The following BMP8A variants were observed in gnomAD, a reference collection of about 807,000 sequenced individuals.
The protein encoded by BMP8A is bone morphogenetic protein 8a.
BMP8A carries 14 observed loss-of-function variants against 36.8 expected under a neutral mutation model. The ratio of observed to expected loss-of-function variants is 0.38; its 90% confidence interval spans 0.25 to 0.60. BMP8A has a LOEUF of 0.60. BMP8A is among the 20% of genes least tolerant of loss of function. BMP8A has a pLI of 0.63. For synonymous variants in BMP8A, 120 were observed against 237.7 expected (o/e 0.50, Z 4.55); for missense variants, 267 against 551.1 (o/e 0.48, Z 5.16).
At chr1:39,508,386 C>T (rs942353290) in intron 1 of BMP8A, among the ~76,000 whole-genome samples, 2 of 152,232 alleles carry the variant, frequency 1.3e-5, no homozygotes, top group African/African-American at 4.8e-5. Flanking sequence ...GTTGGAAAAG[C>T]AGCTGTTAAC....
chr1:39,524,410 G>C lies in BMP8A; in HGVS notation c.1060-1239G>C, dbSNP rs1371639000. Among the ~76,000 whole-genome samples, 1 of 152,172 alleles carries C rather than the reference G, an allele frequency of 6.6e-6. No homozygotes were observed. The highest frequency in any genetic ancestry group is 1.5e-5 in the Non-Finnish European group (1 of 68,024). ...CCGTGGAGTTGACACCTCCTGTGAG[G>C]AAGAGCAGAGCAGCCGTGCCGTCAG... On this transcript the variant is annotated intron_variant, in intron 6 of 6. Transcript: ENST00000331593. The surrounding 1 kb of genome is among the most constrained non-coding windows in gnomAD (Gnocchi z 4.0).
intron 1 of BMP8A, among the ~76,000 whole-genome samples, chr1:39,501,109 G>A (rs1645250233): frequency 6.6e-6 from 1 of 152,194 alleles, no homozygotes; most frequent in African/African-American, 2.4e-5. Context: ...GGAAGCAAGA[G>A]AGCAAGCCAG....
Position 39,526,543 on chromosome 1 carries a change from C to T in BMP8A, c.*745C>T, listed in dbSNP as rs1216518855. Among the ~76,000 whole-genome samples the T allele has an allele frequency of 5.9e-5, 9 of 152,104 alleles. No individual in the cohort carries two copies. The highest frequency in any genetic ancestry group is 1.5e-5 in the Non-Finnish European group (1 of 68,024). ...TAGTAGAGACGGGGTTTCACCATAT[C>T]GGCCAGGCTGGTCTTGAACTCCTGA... On this transcript the variant is annotated 3_prime_UTR_variant, in exon 7 of 7. Coordinates refer to ENST00000331593, the MANE Select transcript of BMP8A (RefSeq NM_181809.4).
rs566656660 is a variant in BMP8A at position 39,495,193 on chromosome 1, C to T, written c.334+2868C>T. Among the ~76,000 whole-genome samples, 107 of 152,314 alleles carry T rather than the reference C, an allele frequency of 7.0e-4. 1 individual carries two copies. The highest frequency in any genetic ancestry group is 1.3e-3 in the Non-Finnish European group (89 of 68,012). On this transcript the variant is annotated intron_variant, in intron 1 of 6. Coordinates refer to ENST00000331593, the MANE Select transcript of BMP8A (RefSeq NM_181809.4). ...TGCCAGCTCCACCTCTCCTATCAGC[C>T]TCATCTGAGTCCTGAAAAGCCAGGC...
chr1:39,511,182 G>A lies in BMP8A; in HGVS notation c.343G>A (p.Asp115Asn), dbSNP rs1645351046. 1 of 1,368,792 alleles carries A rather than the reference G, an allele frequency of 7.3e-7. No individual in the cohort carries two copies. Among genetic ancestry groups the A allele is most frequent in the African/African-American group, 1.5e-5 (1 of 67,746 alleles). 84.8% of individuals were successfully genotyped at this position (1,368,792 alleles called of 1,614,324 possible). ...VMSFVNMVER[D>N]RALGHQEPHW... ...GCTGCTTTGTCTTCTAGTGGAGCGA[G>A]ACCGTGCCCTGGGCCACCAGGAGCC... The change falls in exon 2 of 7, where the codon GAC becomes AAC. Residue 115 changes from aspartate (D) to asparagine (N), a missense_variant. Asp to Asn is a conservative substitution (Grantham distance 23, BLOSUM62 1). This residue lies in a region of BMP8A where 37 missense variants were observed against 39.5 expected (regional missense o/e 0.94). Transcript: ENST00000331593.
chr1:39,517,257 A>C (rs1645401209), intron 3 of BMP8A, among the ~76,000 whole-genome samples: 1 of 151,936 alleles, frequency 6.6e-6, no homozygotes, highest in South Asian at 2.1e-4. Flanking sequence ...TCAGCCTCCC[A>C]AAGTGCTGGG....
chr1:39,503,394 A>G (rs756841087), intron 1 of BMP8A, among the ~76,000 whole-genome samples: 4 of 151,928 alleles, frequency 2.6e-5, no homozygotes, highest in Non-Finnish European at 2.9e-5. Flanking sequence ...GCTCATGTCT[A>G]TGATCCCAGC....
In BMP8A at chr1:39,517,130, C is replaced by T. The variant is rs576868199; in HGVS notation, c.674-4246C>T. Among the ~76,000 whole-genome samples the T allele has an allele frequency of 7.9e-5, 12 of 152,084 alleles. No homozygotes were observed. The South Asian group carries it at 1.7e-3, about 21-fold the overall frequency. ...CCTCCTGAGTAGCTGGGACTACAGG[C>T]GCACATCACAATGCCTGCTTATTTT... On this transcript the variant is annotated intron_variant, in intron 3 of 6. Coordinates refer to ENST00000331593, the MANE Select transcript of BMP8A (RefSeq NM_181809.4).
intron 1 of BMP8A, among the ~76,000 whole-genome samples, chr1:39,501,132 C>A (rs1024077361): frequency 2.0e-5 from 3 of 152,164 alleles, no homozygotes; most frequent in African/African-American, 7.2e-5. Flanking sequence ...TTTTTAACAG[C>A]CTCCCCCATC....
intron 1 of BMP8A, among the ~76,000 whole-genome samples, chr1:39,504,482 C>G (rs1356172896): frequency 6.6e-6 from 1 of 152,178 alleles, no homozygotes; most frequent in Non-Finnish European, 1.5e-5. Flanking sequence ...TTATGTTTGA[C>G]TTTACACAAA....
chr1:39,499,193 G>C (rs1645232335), intron 1 of BMP8A, among the ~76,000 whole-genome samples: 1 of 152,198 alleles, frequency 6.6e-6, no homozygotes, highest in African/African-American at 2.4e-5. Flanking sequence ...TGGGGTCTGA[G>C]GACTGGGAGC....
chr1:39,492,316 G>A lies in BMP8A; in HGVS notation c.325G>A (p.Val109Ile), dbSNP rs367928152. ...LGRADLVMSFVNMVERDRALG... is the reference protein window; with the variant it reads ...LGRADLVMSFINMVERDRALG... ...CCGCGCCGACCTGGTCATGAGCTTC[G>A]TCAACATGGGTGAGTGCGGCCGCCC... Residue 109 changes from valine to isoleucine, a missense_variant, in exon 1 of 7, where the codon GTC becomes ATC. Around this residue, in one of 7 missense-constraint regions of BMP8A, gnomAD observed 37 missense variants for 39.5 expected, o/e 0.94. Transcript: ENST00000331593. 18 of 1,559,572 alleles carry A rather than the reference G, an allele frequency of 1.2e-5. No homozygotes were observed. In the African/African-American group the frequency reaches 2.6e-4, roughly 22 times the overall value.
At chr1:39,494,041 A>T (rs1055083733) in intron 1 of BMP8A, among the ~76,000 whole-genome samples, 1 of 152,178 alleles carries the variant, frequency 6.6e-6, no homozygotes, top group African/African-American at 2.4e-5. Flanking sequence ...CTCCTTATAA[A>T]AGGAGGTGCC....
rs200772038 is a variant in BMP8A, at chr1:39,515,583, G to T, written c.673+3679G>T. 724 of 1,482,560 alleles carry T rather than the reference G, an allele frequency of 4.9e-4. 20 individuals carry two copies. The highest frequency in any genetic ancestry group is 6.0e-4 in the Non-Finnish European group (645 of 1,082,068). The allele number at this position is 1,482,560 out of a possible 1,614,324, so 91.8% of individuals were successfully genotyped here. A position where few individuals can be genotyped will look rare whatever the true frequency, so the allele number is the denominator to read the frequency against. On this transcript the variant is annotated intron_variant, in intron 3 of 6. Coordinates refer to ENST00000331593, the MANE Select transcript of BMP8A (RefSeq NM_181809.4). ...CGCCATCCGGGCAGACTTCGCCCTG[G>T]TGAAAGGGTGGAAGGCCGACCGGGC...
chr1:39,507,884 G>A (rs1301904411), intron 1 of BMP8A, among the ~76,000 whole-genome samples: 1 of 152,222 alleles, frequency 6.6e-6, no homozygotes, highest in Non-Finnish European at 1.5e-5. Context: ...CCTTGACAAA[G>A]ATCAGGCAGG....
intron 1 of BMP8A, among the ~76,000 whole-genome samples, chr1:39,505,256 C>A (rs61779331): frequency 0.17 from 26,392 of 152,218 alleles, 2,893 homozygotes; most frequent in Middle Eastern, 0.25. Flanking sequence ...GGACAATACC[C>A]AGACTTTCTT....
intron 2 of BMP8A, 104 bp from the exon 3 acceptor site, chr1:39,511,652 G>GGC: frequency 6.2e-7 from 1 of 1,612,204 alleles, no homozygotes; most frequent in Non-Finnish European, 8.5e-7. Flanking sequence ...AAGGGGCGCA[G>GGC]CCAGAGTCAG....
At chr1:39,504,806 G>A (rs1066944) in intron 1 of BMP8A, among the ~76,000 whole-genome samples, 9,530 of 151,872 alleles carry the variant, frequency 0.063, 881 homozygotes, top group African/African-American at 0.21. Flanking sequence ...CGGTGAGGGG[G>A]ATGTGGCAGG....
intron 1 of BMP8A, among the ~76,000 whole-genome samples, chr1:39,493,886 G>A (rs918433295): frequency 6.6e-5 from 10 of 152,180 alleles, no homozygotes; most frequent in African/African-American, 1.4e-4. Context: ...ATCAGAATGC[G>A]TCACCACCCA....
Sources: gnomAD v4.1 joint callset for allele counts (sites outside exome capture counted in the v4.1 genomes callset) on GRCh38, gnomAD v4.1.1 for gene constraint, gnomAD v4.1.1 regional missense constraint, Gnocchi (gnomAD v3.1) non-coding constraint, MANE v1.5 for transcripts, NCBI Gene and HGNC (gene_info 2026-07-23, HGNC 2026-07-21) for gene names.